Variants in ROBO1 observed in about 807,000 individuals in gnomAD.
ROBO1 encodes roundabout homolog 1.
In ROBO1, 149 loss-of-function variants were observed where a neutral mutation model predicts 195.9. The observed-to-expected ratio is 0.76, with a 90% confidence interval of 0.67 to 0.87. The LOEUF is 0.87. Among genes scored for constraint, ROBO1 ranks in the 40% least tolerant of loss-of-function variants. The pLI is 0.00. For missense variants in ROBO1, 1,933 were observed against 2,068.3 expected (o/e 0.93, Z 1.27); for synonymous variants, 816 against 733.2 (o/e 1.11, Z -1.82).
At chr3:78,978,481 A>T (rs1225643099) in intron 3 of ROBO1, among the ~76,000 whole-genome samples, 1 of 152,134 alleles carries the variant, frequency 6.6e-6, no homozygotes, top group Non-Finnish European at 1.5e-5. Context: ...AACGCCAGGC[A>T]CCACACACAG....
chr3:79,704,968 C>G (rs1407831595), intron 1 of ROBO1, among the ~76,000 whole-genome samples: 1 of 151,882 alleles, frequency 6.6e-6, no homozygotes, highest in African/African-American at 2.4e-5. Context: ...TGCTTATTTG[C>G]CTTCTCTATA....
At chr3:78,998,023 C>T (rs1486481780) in intron 3 of ROBO1, among the ~76,000 whole-genome samples, 1 of 152,140 alleles carries the variant, frequency 6.6e-6, no homozygotes, top group African/African-American at 2.4e-5. Context: ...TTCAGTGAAC[C>T]TCTAATTTTA....
intron 2 of ROBO1, among the ~76,000 whole-genome samples, chr3:79,306,123 C>CA (rs768390833): frequency 1.3e-5 from 2 of 152,090 alleles, no homozygotes; most frequent in South Asian, 2.1e-4. Context: ...GCAAAATATA[C>CA]AAAAATAATA....
At chr3:78,899,184 T>C (rs1454490025) in intron 4 of ROBO1, among the ~76,000 whole-genome samples, 1 of 152,166 alleles carries the variant, frequency 6.6e-6, no homozygotes, top group Admixed American at 6.5e-5. Context: ...TTTTGAAAGA[T>C]AAAGCAATTA....
At chr3:79,582,122 T>G (rs1186213587) in intron 2 of ROBO1, among the ~76,000 whole-genome samples, 1 of 151,780 alleles carries the variant, frequency 6.6e-6, no homozygotes, top group Non-Finnish European at 1.5e-5. Context: ...AATACAGGTT[T>G]TAAAATCAAA....
At chr3:78,885,055 G>A (rs1171958466) in intron 4 of ROBO1, among the ~76,000 whole-genome samples, 1 of 151,894 alleles carries the variant, frequency 6.6e-6, no homozygotes, top group Non-Finnish European at 1.5e-5. Flanking sequence ...TAAGAATTCT[G>A]AGCATTCTCA....
chr3:79,378,189 TTCTC>T (rs371100616), intron 2 of ROBO1, among the ~76,000 whole-genome samples: 5 of 149,680 alleles, frequency 3.3e-5, no homozygotes, highest in African/African-American at 1.2e-4. Flanking sequence ...CTATCACACA[TTCTC>T]TCTCTCTTTC....
chr3:79,400,077 T>C (rs943171233), intron 2 of ROBO1, among the ~76,000 whole-genome samples: 5 of 152,130 alleles, frequency 3.3e-5, no homozygotes, highest in African/African-American at 1.2e-4. Context: ...CTCTGAATTA[T>C]GTCACCAAAT....
At chr3:79,729,319 A>G (rs1230179821) in intron 1 of ROBO1, among the ~76,000 whole-genome samples, 1 of 152,194 alleles carries the variant, frequency 6.6e-6, no homozygotes, top group African/African-American at 2.4e-5. Context: ...CCTCTGGCTG[A>G]GGGAAAGTTA....
chr3:79,345,391 G>A (rs2035071963), intron 2 of ROBO1, among the ~76,000 whole-genome samples: 1 of 152,118 alleles, frequency 6.6e-6, no homozygotes, highest in South Asian at 2.1e-4. Flanking sequence ...GTGACTCAGT[G>A]AGGAATCTGA....
chr3:79,559,728 C>A (rs193173198), intron 2 of ROBO1, among the ~76,000 whole-genome samples: 1 of 152,110 alleles, frequency 6.6e-6, no homozygotes, highest in Non-Finnish European at 1.5e-5. Flanking sequence ...ACCAGCCTGA[C>A]TAACATGGTG....
intron 1 of ROBO1, among the ~76,000 whole-genome samples, chr3:79,715,191 A>G (rs963518757): frequency 6.6e-6 from 1 of 152,112 alleles, no homozygotes; most frequent in South Asian, 2.1e-4. Flanking sequence ...AAAATATTAC[A>G]TGAACTTAGT....
chr3:79,211,825 G>A (rs980345996), intron 2 of ROBO1, among the ~76,000 whole-genome samples: 4 of 152,142 alleles, frequency 2.6e-5, no homozygotes, highest in Non-Finnish European at 4.4e-5. Flanking sequence ...CTGCGCTGGA[G>A]GAATTAAAGA....
chr3:78,919,563 C>A (rs539724739), intron 4 of ROBO1, among the ~76,000 whole-genome samples: 1 of 152,282 alleles, frequency 6.6e-6, no homozygotes, highest in South Asian at 2.1e-4. Context: ...CTGTCAATAT[C>A]TAGGCTTTAA....
At chr3:79,044,031 G>A (rs147319815) in intron 3 of ROBO1, among the ~76,000 whole-genome samples, 16 of 151,524 alleles carry the variant, frequency 1.1e-4, no homozygotes, top group African/African-American at 2.7e-4. Flanking sequence ...TATCAGGGGC[G>A]TCCAATCTTT....
intron 2 of ROBO1, among the ~76,000 whole-genome samples, chr3:79,487,781 G>A (rs562621042): frequency 6.6e-6 from 1 of 151,982 alleles, no homozygotes; most frequent in African/African-American, 2.4e-5. Flanking sequence ...AACTTATGAG[G>A]TCAAAAATTA....
At chr3:78,830,860 T>C (rs1406049300) in intron 4 of ROBO1, among the ~76,000 whole-genome samples, 1 of 152,122 alleles carries the variant, frequency 6.6e-6, no homozygotes, top group Non-Finnish European at 1.5e-5. Context: ...CAGCTTCTAC[T>C]TTGGTAACTC....
chr3:78,929,321 T>C (rs1410263780), intron 4 of ROBO1, among the ~76,000 whole-genome samples: 1 of 152,116 alleles, frequency 6.6e-6, no homozygotes, highest in Non-Finnish European at 1.5e-5. Context: ...TTTATTCATT[T>C]ATAAAGACAG....
intron 2 of ROBO1, among the ~76,000 whole-genome samples, chr3:79,564,470 C>A (rs962860309): frequency 6.6e-6 from 1 of 151,958 alleles, no homozygotes; most frequent in African/African-American, 2.4e-5. Flanking sequence ...TTCTGTTTGT[C>A]AGAAATTTTC....
Sources: gnomAD v4.1 joint callset for allele counts (sites outside exome capture counted in the v4.1 genomes callset) on GRCh38, gnomAD v4.1.1 for gene constraint, MANE v1.5 for transcripts, NCBI Gene and HGNC (gene_info 2026-07-23, HGNC 2026-07-21) for gene names.